Variants in CDH23 observed in about 807,000 individuals in gnomAD.
CDH23 encodes the protein cadherin related 23, also known as cadherin-23.
CDH23 carries 189 observed loss-of-function variants against 317.1 expected under a neutral mutation model. That is an observed-to-expected ratio of 0.60 (90% CI 0.53 to 0.67). The LOEUF is 0.67. CDH23 is among the 30% of genes least tolerant of loss of function. CDH23 has a pLI of 0.00. For synonymous variants in CDH23, 1,839 were observed against 1,876.8 expected (o/e 0.98, Z 0.52); for missense variants, 4,401 against 4,592.4 (o/e 0.96, Z 1.20).
At chr10:71,691,462 G>C (rs200599938) in intron 20 of CDH23, among the ~76,000 whole-genome samples, 1 of 152,128 alleles carries the variant, frequency 6.6e-6, no homozygotes, top group Non-Finnish European at 1.5e-5. Context: ...CTTCCAATAC[G>C]CATTTCTGTA....
Position 71,760,161 on chromosome 10 carries a change from GTATATACATATA to G in CDH23, c.4846-17515_4846-17504del, listed in dbSNP as rs1840314420. Among the ~76,000 whole-genome samples, 2 of 46,156 alleles carry G rather than the reference GTATATACATATA, an allele frequency of 4.3e-5. 1 individual carries two copies. The highest frequency in any genetic ancestry group is 1.4e-3 in the South Asian group (2 of 1,380). The allele number at this position is 46,156 out of a possible 152,430, so 30.3% of individuals were successfully genotyped here. A position where few individuals can be genotyped will look rare whatever the true frequency, so the allele number is the denominator to read the frequency against. ...TACATATATATGTGTGTATATATAT[GTATATACATATA>G]TATGTGTGTATATATATGTATATAC... On this transcript the variant is annotated intron_variant, in intron 38 of 69. Coordinates refer to ENST00000224721, the MANE Select transcript of CDH23 (RefSeq NM_022124.6).
intron 4 of CDH23, 78 bp from the exon 5 acceptor site, chr10:71,510,876 C>T (rs1853931705): frequency 9.2e-6 from 13 of 1,419,278 alleles, no homozygotes; most frequent in African/African-American, 7.0e-5. Flanking sequence ...TGGAGCCCCT[C>T]CCGCCCCATT....
chr10:71,529,828 G>A (rs139316381), intron 6 of CDH23, among the ~76,000 whole-genome samples: 333 of 151,990 alleles, frequency 2.2e-3, no homozygotes, highest in Non-Finnish European at 3.9e-3. Context: ...CCTTACCCAC[G>A]GAACTCAGCT....
At chr10:71,504,084 A>G (rs1289578819) in intron 3 of CDH23, among the ~76,000 whole-genome samples, 1 of 151,722 alleles carries the variant, frequency 6.6e-6, no homozygotes, top group African/African-American at 2.4e-5. Flanking sequence ...GAAATTTGCC[A>G]TCTTAGCCAT....
At chr10:71,646,901 G>T in intron 14 of CDH23, 2 of 1,421,840 alleles carry the variant, frequency 1.4e-6, no homozygotes, top group Admixed American at 5.8e-5. Context: ...AGTGAGGGTG[G>T]GCTGGGAGCC....
intron 38 of CDH23, among the ~76,000 whole-genome samples, chr10:71,762,552 C>T (rs1021023019): frequency 6.6e-6 from 1 of 152,238 alleles, no homozygotes; most frequent in African/African-American, 2.4e-5. Context: ...GCATGGCCTC[C>T]CCTTGAGCAG....
chr10:71,688,455 G>T (rs1398904146), intron 19 of CDH23, among the ~76,000 whole-genome samples: 1 of 152,068 alleles, frequency 6.6e-6, no homozygotes, highest in Admixed American at 6.5e-5. Flanking sequence ...AGCCAGGGAT[G>T]GTGGAATAAG....
At chr10:71,761,530 G>A in intron 38 of CDH23, 1 of 1,460,886 alleles carries the variant, frequency 6.8e-7, no homozygotes, top group Non-Finnish European at 9.1e-7. Context: ...ACAGTGTCAT[G>A]AATGGTCACA....
chr10:71,460,646 T>C (rs1240934260), intron 3 of CDH23, among the ~76,000 whole-genome samples: 2 of 152,188 alleles, frequency 1.3e-5, no homozygotes, highest in Non-Finnish European at 2.9e-5. Context: ...GAGTGAGCAG[T>C]CCGACAGGGC....
intron 20 of CDH23, 76 bp from the exon 21 acceptor site, chr10:71,694,071 C>G: frequency 8.8e-7 from 1 of 1,142,422 alleles, no homozygotes; most frequent in Non-Finnish European, 1.3e-6. Flanking sequence ...CTCCTTCCCT[C>G]GCTCTCTCTC....
chr10:71,547,855 TTTG>T (rs1856369847), intron 6 of CDH23, among the ~76,000 whole-genome samples: 1 of 152,198 alleles, frequency 6.6e-6, no homozygotes, highest in Admixed American at 6.5e-5. Flanking sequence ...CGGTGGCTTG[TTTG>T]GGACCCAGAG....
At chr10:71,567,117 CCTGGCACCGTG>C (rs1857453569) in intron 7 of CDH23, among the ~76,000 whole-genome samples, 181 bp downstream of exon 7, 1 of 152,124 alleles carries the variant, frequency 6.6e-6, no homozygotes, top group African/African-American at 2.4e-5. Context: ...GTGCTGTGTC[CCTGGCACCGTG>C]CTGAGCACTC....
intron 1 of CDH23, among the ~76,000 whole-genome samples, chr10:71,398,207 C>T (rs1589255932): frequency 2.0e-5 from 3 of 152,336 alleles, no homozygotes; most frequent in South Asian, 4.1e-4. Context: ...GACCCCAGCC[C>T]CAGCCCTAGT....
intron 6 of CDH23, among the ~76,000 whole-genome samples, chr10:71,527,095 A>G (rs559534289): frequency 1.8e-4 from 27 of 152,170 alleles, no homozygotes; most frequent in Non-Finnish European, 3.7e-4. Context: ...CCCTCTCTCC[A>G]GCCCCACCCC....
Position 71,793,546 on chromosome 10 carries a change from G to A in CDH23, c.6618G>A (p.Lys2206=). The part of the protein sequence containing the change: ...ITAIDHDLNP[K]LEYHIVGIVA... ...CCATTGACCACGACCTCAACCCAAA[G>A]CTAGAGTACCACATTGTCGGCATTG... Residue 2206 remains lysine (K), a synonymous_variant, in exon 48 of 70, where the codon AAG becomes AAA. Coordinates refer to ENST00000224721, the MANE Select transcript of CDH23 (RefSeq NM_022124.6). 1 of 1,613,676 alleles carries A rather than the reference G, an allele frequency of 6.2e-7. No homozygotes were observed. The highest frequency in any genetic ancestry group is 8.5e-7 in the Non-Finnish European group (1 of 1,179,844).
intron 37 of CDH23, 121 bp downstream of exon 37, chr10:71,741,071 G>A (rs907240711): frequency 1.4e-5 from 16 of 1,166,330 alleles, no homozygotes; most frequent in East Asian, 9.4e-5. Context: ...CTCATGGATG[G>A]GAACTGTGGC....
intron 11 of CDH23, among the ~76,000 whole-genome samples, chr10:71,639,963 G>A (rs1197342966): frequency 6.6e-6 from 1 of 152,200 alleles, no homozygotes; most frequent in Non-Finnish European, 1.5e-5. Context: ...TGGTCAGTAG[G>A]TGATCCTGAG....
chr10:71,526,227 T>C lies in CDH23; in HGVS notation c.429+15015T>C, dbSNP rs553503658. Among the ~76,000 whole-genome samples the C allele has an allele frequency of 1.4e-3, 210 of 152,284 alleles. 1 individual carries two copies. The highest frequency in any genetic ancestry group is 2.1e-3 in the Non-Finnish European group (146 of 68,016). ...GCACATCTTCCTCTAGGCGGTAGAA[T>C]TGGGTCAAATGAGCTTCAGATGAGC... On this transcript the variant is annotated intron_variant, in intron 6 of 69. Coordinates refer to ENST00000224721, the MANE Select transcript of CDH23 (RefSeq NM_022124.6).
intron 3 of CDH23, among the ~76,000 whole-genome samples, chr10:71,450,744 T>A (rs11591454): frequency 0.1 from 15,540 of 152,082 alleles, 893 homozygotes; most frequent in South Asian, 0.16. Context: ...CTCCCGCACC[T>A]CTTAGCATCA....
Sources: gnomAD v4.1 joint callset for allele counts (sites outside exome capture counted in the v4.1 genomes callset) on GRCh38, gnomAD v4.1.1 for gene constraint, MANE v1.5 for transcripts, NCBI Gene and HGNC (gene_info 2026-07-23, HGNC 2026-07-21) for gene names.